Variants in GPM6A observed in about 807,000 individuals in gnomAD.
GPM6A encodes neuronal membrane glycoprotein M6-a.
A neutral mutation model predicts 32.1 loss-of-function variants in GPM6A; 7 were observed. The ratio of observed to expected loss-of-function variants is 0.22; its 90% confidence interval spans 0.12 to 0.41. The LOEUF (loss-of-function observed/expected upper bound fraction) is 0.41, where lower values mean the gene tolerates loss of function less well. Among genes scored for constraint, GPM6A ranks in the 10% least tolerant of loss-of-function variants. The pLI is 1.00. For synonymous variants in GPM6A, 130 were observed against 123.4 expected, an observed-to-expected ratio of 1.05 and a Z score of -0.35; for missense variants, 235 against 347.2, an observed-to-expected ratio of 0.68 and a Z score of 2.57.
intron 1 of GPM6A, among the ~76,000 whole-genome samples, chr4:175,834,592 G>A (rs1462406035): frequency 1.3e-5 from 2 of 151,734 alleles, no homozygotes; most frequent in Non-Finnish European, 2.9e-5. Flanking sequence ...GCATGGAACG[G>A]ATTAAACTAT....
chr4:175,643,840 G>A (rs991667219), intron 4 of GPM6A, among the ~76,000 whole-genome samples: 1 of 152,168 alleles, frequency 6.6e-6, no homozygotes, highest in Non-Finnish European at 1.5e-5. Context: ...GAGTGTAACT[G>A]ATATATGACC....
At chr4:175,692,014 G>A (rs1013168696) in intron 2 of GPM6A, among the ~76,000 whole-genome samples, 2 of 152,152 alleles carry the variant, frequency 1.3e-5, no homozygotes, top group African/African-American at 4.8e-5. Flanking sequence ...CCTCCAGATG[G>A]AGCACAATTC....
rs192096650 is a variant in GPM6A at position 175,688,427 on chromosome 4, T to G, written c.230+13148A>C. On this transcript the variant is annotated intron_variant, in intron 2 of 6. Transcript: ENST00000393658. ...ATCATATTGCATGTGGAGATCCGGT[T>G]TTTCCAGCATCCTTTATTGAAGAGA... Among the ~76,000 whole-genome samples, 911 of 152,256 alleles carry G rather than the reference T, an allele frequency of 6.0e-3. 3 individuals are homozygous for G. The highest frequency in any genetic ancestry group is 0.011 in the South Asian group (51 of 4,816).
chr4:175,904,085 T>G (rs1738050121), intron 1 of GPM6A, among the ~76,000 whole-genome samples: 1 of 152,120 alleles, frequency 6.6e-6, no homozygotes, highest in African/African-American at 2.4e-5. Context: ...AGCACACTAT[T>G]TTTTTCAATG....
chr4:175,963,328 T>C (rs1740226739), intron 1 of GPM6A, among the ~76,000 whole-genome samples: 1 of 151,706 alleles, frequency 6.6e-6, no homozygotes, highest in African/African-American at 2.4e-5. Flanking sequence ...CCAAGTAGGA[T>C]AAATACAAAA....
chr4:175,944,093 C>T (rs937706814), intron 1 of GPM6A, among the ~76,000 whole-genome samples: 9 of 152,100 alleles, frequency 5.9e-5, no homozygotes, highest in Non-Finnish European at 1.0e-4. Context: ...TTGACTTCTT[C>T]CTGGTTTAGT....
In GPM6A at chr4:175,647,606, G is replaced by T. The variant is rs1034302569; in HGVS notation, c.541+4228C>A. ...CTAAGTAGGTATAATGGCCATTATAGGCTGAGAGTTCCTATTACATATTAA... is the reference window on the plus strand; with the variant it reads ...CTAAGTAGGTATAATGGCCATTATATGCTGAGAGTTCCTATTACATATTAA... On this transcript the variant is annotated intron_variant, in intron 4 of 6. Coordinates refer to ENST00000393658, the MANE Select transcript of GPM6A (RefSeq NM_201591.3). Among the ~76,000 whole-genome samples the T allele has an allele frequency of 4.6e-5, 7 of 152,198 alleles. No individual in the cohort carries two copies. The South Asian group carries it at 1.4e-3, about 31-fold the overall frequency.
In GPM6A at chr4:175,712,658, C is replaced by G. The variant is rs148229452; in HGVS notation, c.38-10891G>C. On this transcript the variant is annotated intron_variant, in intron 1 of 6. Coordinates refer to ENST00000393658, the MANE Select transcript of GPM6A (RefSeq NM_201591.3). Reference sequence around the variant, plus strand: ...TGTCCCTTGGGTAGAAATAAGAGAACAATTAAATCAAGACCTGACTGTAAT... The same window carrying G: ...TGTCCCTTGGGTAGAAATAAGAGAAGAATTAAATCAAGACCTGACTGTAAT... Among the ~76,000 whole-genome samples, 785 of 152,278 alleles carry G rather than the reference C, an allele frequency of 5.2e-3. 1 individual carries two copies. The highest frequency in any genetic ancestry group is 8.7e-3 in the Non-Finnish European group (592 of 68,024).
intron 1 of GPM6A, among the ~76,000 whole-genome samples, chr4:175,780,239 G>C (rs1560929203): frequency 6.6e-6 from 1 of 152,046 alleles, no homozygotes; most frequent in East Asian, 1.9e-4. Flanking sequence ...GTACAGATGG[G>C]GTTTTTCCAT....
At chr4:175,649,045 A>T (rs2110910992) in intron 4 of GPM6A, among the ~76,000 whole-genome samples, 1 of 152,328 alleles carries the variant, frequency 6.6e-6, no homozygotes, top group Non-Finnish European at 1.5e-5. Flanking sequence ...TTTGCTAAAA[A>T]TTGTATTGGA....
intron 2 of GPM6A, among the ~76,000 whole-genome samples, chr4:175,676,077 A>G (rs1192954251): frequency 6.6e-6 from 1 of 151,914 alleles, no homozygotes; most frequent in Admixed American, 6.6e-5. Flanking sequence ...GTTTTCTAAG[A>G]TGCTTTCCTG....
Position 175,880,448 on chromosome 4 carries a change from A to T in GPM6A, c.-22-68199T>A, listed in dbSNP as rs187117162. On this transcript the variant is annotated intron_variant, in intron 1 of 7. Transcript: ENST00000280187. ...GAAAGTCATTGTTAGCTTGATGGGG[A>T]TGGCATTGAATCTATAAATTATCTT... 2.7e-4 allele frequency among the ~76,000 whole-genome samples: 41 copies of T among 152,206 alleles called. 1 individual carries two copies. In the East Asian group the frequency reaches 7.5e-3, roughly 28 times the overall value.
chr4:175,839,377 T>C (rs1215951102), intron 1 of GPM6A, among the ~76,000 whole-genome samples: 5 of 151,974 alleles, frequency 3.3e-5, no homozygotes, highest in African/African-American at 1.2e-4. Context: ...TTCTACTACA[T>C]TAAAATTTTA....
chr4:175,842,731 A>G (rs1335821216), intron 1 of GPM6A, among the ~76,000 whole-genome samples: 3 of 152,102 alleles, frequency 2.0e-5, no homozygotes. Context: ...GAGAATAAAC[A>G]TAGTTCTTTA....
chr4:175,891,818 G>T (rs1359733359), intron 1 of GPM6A: 1 of 152,182 alleles, frequency 6.6e-6, no homozygotes, highest in Non-Finnish European at 1.5e-5. Flanking sequence ...CTAGTCTGAA[G>T]CTTCAACTCA....
chr4:175,935,003 G>C (rs1739172927), intron 1 of GPM6A, among the ~76,000 whole-genome samples: 1 of 152,106 alleles, frequency 6.6e-6, no homozygotes, highest in Non-Finnish European at 1.5e-5. Flanking sequence ...TTAATATTAA[G>C]AACTGTTTGT....
intron 1 of GPM6A, among the ~76,000 whole-genome samples, chr4:175,775,847 G>A (rs1733372005): frequency 6.6e-6 from 1 of 152,068 alleles, no homozygotes; most frequent in Non-Finnish European, 1.5e-5. Flanking sequence ...GAATCAACAT[G>A]CTGCGGAAAT....
At chr4:175,990,595 G>C (rs953350688) in intron 1 of GPM6A, among the ~76,000 whole-genome samples, 1 of 151,662 alleles carries the variant, frequency 6.6e-6, no homozygotes, top group Non-Finnish European at 1.5e-5. Flanking sequence ...TTGTTCAATC[G>C]AGTCAACACT....
At chr4:175,709,449 G>T (rs1745404883) in intron 1 of GPM6A, among the ~76,000 whole-genome samples, 1 of 151,928 alleles carries the variant, frequency 6.6e-6, no homozygotes, top group Admixed American at 6.6e-5. Flanking sequence ...AAATAAACAG[G>T]CTGGTCACGG....
Sources: gnomAD v4.1 joint callset for allele counts (sites outside exome capture counted in the v4.1 genomes callset) on GRCh38, gnomAD v4.1.1 for gene constraint, MANE v1.5 for transcripts, NCBI Gene and HGNC (gene_info 2026-07-23, HGNC 2026-07-21) for gene names.